The following ROBO2 variants were observed in gnomAD, a reference collection of about 807,000 sequenced individuals.
ROBO2 encodes the protein roundabout homolog 2.
A neutral mutation model predicts 160.8 loss-of-function variants in ROBO2; 53 were observed. The ratio of observed to expected loss-of-function variants is 0.33; its 90% CI spans 0.26 to 0.41. The LOEUF is 0.41. Among genes scored for constraint, ROBO2 ranks in the 10% least tolerant of loss-of-function variants. The probability of loss-of-function intolerance (pLI) is 1.00; values close to 1 mark genes in which losing one functional copy is unlikely to be tolerated. For missense variants in ROBO2, 1,577 were observed against 1,722.4 expected (o/e 0.92, Z 1.49); for synonymous variants, 664 against 611.7 (o/e 1.09, Z -1.26).
At chr3:77,587,797 C>T (rs2094090697) in intron 16 of ROBO2, among the ~76,000 whole-genome samples, 1 of 152,044 alleles carries the variant, frequency 6.6e-6, no homozygotes, top group African/African-American at 2.4e-5. Flanking sequence ...ATTTTGCTTA[C>T]CATTTACCTT....
intron 2 of ROBO2, among the ~76,000 whole-genome samples, chr3:76,507,023 T>C (rs2080834054): frequency 1.3e-5 from 2 of 152,190 alleles, no homozygotes; most frequent in African/African-American, 2.4e-5. Context: ...TCAGAAATAT[T>C]AGTATCAATT....
intron 2 of ROBO2, among the ~76,000 whole-genome samples, chr3:76,599,610 T>C (rs1453006583): frequency 6.6e-6 from 1 of 152,198 alleles, no homozygotes; most frequent in Admixed American, 6.5e-5. Flanking sequence ...CTTTAGGTTT[T>C]TGAGGAATCA....
At chr3:76,832,948 G>C (rs2067213150) in intron 2 of ROBO2, among the ~76,000 whole-genome samples, 1 of 152,084 alleles carries the variant, frequency 6.6e-6, no homozygotes, top group African/African-American at 2.4e-5. Flanking sequence ...AAATTAATCT[G>C]ATTAGACTCA....
At chr3:77,327,077 G>A (rs1256184688) in intron 2 of ROBO2, among the ~76,000 whole-genome samples, 1 of 152,178 alleles carries the variant, frequency 6.6e-6, no homozygotes, top group Non-Finnish European at 1.5e-5. Context: ...TCATAGGTAA[G>A]TCATAGACAA....
intron 2 of ROBO2, among the ~76,000 whole-genome samples, chr3:76,567,763 C>CTGTGTGTGTGTGTGTGTGTGTG: frequency 1.1e-5 from 1 of 88,358 alleles, no homozygotes; most frequent in South Asian, 4.0e-4. Flanking sequence ...ATATATCTGT[C>CTGTGTGTGTGTGTGTGTGTGTG]TGTGTGTGTG....
intron 2 of ROBO2, among the ~76,000 whole-genome samples, chr3:76,587,863 C>T (rs2086156530): frequency 6.6e-6 from 1 of 152,080 alleles, no homozygotes; most frequent in Non-Finnish European, 1.5e-5. Context: ...AATGTGTGGT[C>T]GACAGAGTGT....
chr3:77,290,034 G>A (rs894985993), intron 2 of ROBO2, among the ~76,000 whole-genome samples: 15 of 151,178 alleles, frequency 9.9e-5, no homozygotes, highest in African/African-American at 3.2e-4. Flanking sequence ...TAAAATTGAC[G>A]ATTAAATGGG....
At chr3:77,402,173 A>G (rs2075856673) in intron 2 of ROBO2, among the ~76,000 whole-genome samples, 1 of 147,056 alleles carries the variant, frequency 6.8e-6, no homozygotes, top group Non-Finnish European at 1.5e-5. Context: ...GCAAACTAAC[A>G]CAGGAAAAGA....
intron 2 of ROBO2, among the ~76,000 whole-genome samples, chr3:76,832,963 A>G (rs1344370939): frequency 6.6e-6 from 1 of 152,180 alleles, no homozygotes; most frequent in African/African-American, 2.4e-5. Context: ...GACTCATACA[A>G]GTCCAGGCAC....
intron 2 of ROBO2, among the ~76,000 whole-genome samples, chr3:76,792,300 TA>T (rs2063410323): frequency 6.6e-6 from 1 of 151,862 alleles, no homozygotes; most frequent in Non-Finnish European, 1.5e-5. Flanking sequence ...CTTAACTGTC[TA>T]AATTTTCTTA....
At chr3:76,711,029 G>T (rs1161465452) in intron 2 of ROBO2, among the ~76,000 whole-genome samples, 2 of 152,092 alleles carry the variant, frequency 1.3e-5, no homozygotes, top group South Asian at 2.1e-4. Context: ...ATGGTTGACT[G>T]GTCCATAGAA....
At chr3:76,445,449 C>G (rs2077130289) in intron 2 of ROBO2, among the ~76,000 whole-genome samples, 1 of 152,206 alleles carries the variant, frequency 6.6e-6, no homozygotes, top group South Asian at 2.1e-4. Context: ...GCCAAGACAG[C>G]TTCAAAATAT....
At chr3:77,429,755 T>C (rs62249809) in intron 2 of ROBO2, among the ~76,000 whole-genome samples, 8,200 of 151,888 alleles carry the variant, frequency 0.054, 314 homozygotes, top group Non-Finnish European at 0.073. Context: ...AACAACACAA[T>C]CTGTGATCTG....
chr3:77,332,276 C>A (rs1168732265), intron 2 of ROBO2, among the ~76,000 whole-genome samples: 1 of 152,120 alleles, frequency 6.6e-6, no homozygotes, highest in South Asian at 2.1e-4. Context: ...TTTGTGACCA[C>A]CTTGTACTTA....
intron 2 of ROBO2, among the ~76,000 whole-genome samples, chr3:76,120,281 C>G (rs577791572): frequency 1.1e-3 from 161 of 152,174 alleles, no homozygotes; most frequent in African/African-American, 3.8e-3. Flanking sequence ...GGATTACAGG[C>G]GTGAGCCACC....
At chr3:76,729,553 C>T (rs2093602523) in intron 2 of ROBO2, among the ~76,000 whole-genome samples, 2 of 151,582 alleles carry the variant, frequency 1.3e-5, no homozygotes, top group East Asian at 1.9e-4. Flanking sequence ...GGCTTATTTT[C>T]AGTGATTATA....
chr3:76,855,003 ACTT>A (rs1188622262), intron 2 of ROBO2, among the ~76,000 whole-genome samples: 10 of 152,126 alleles, frequency 6.6e-5, no homozygotes, highest in Non-Finnish European at 1.5e-4. Context: ...AAATTGCTGA[ACTT>A]CTCCAGGAAA....
At chr3:77,511,616 C>T (rs544530815) in intron 5 of ROBO2, among the ~76,000 whole-genome samples, 75 of 151,984 alleles carry the variant, frequency 4.9e-4, no homozygotes, top group African/African-American at 1.6e-3. Context: ...TAGGGGTTTG[C>T]GTTTTTCAGT....
At chr3:76,144,683 A>T (rs1208651837) in intron 2 of ROBO2, among the ~76,000 whole-genome samples, 1 of 152,104 alleles carries the variant, frequency 6.6e-6, no homozygotes, top group Non-Finnish European at 1.5e-5. Context: ...TTTACTTCAC[A>T]GTTCAGCTAC....
Sources: gnomAD v4.1 joint callset for allele counts (sites outside exome capture counted in the v4.1 genomes callset) on GRCh38, gnomAD v4.1.1 for gene constraint, MANE v1.5 for transcripts, NCBI Gene and HGNC (gene_info 2026-07-23, HGNC 2026-07-21) for gene names.